CSMD3: variants seen among roughly 807,000 people sequenced by gnomAD.
CSMD3 encodes CUB and sushi domain-containing protein 3.
In CSMD3, 177 loss-of-function variants were observed where a neutral mutation model predicts 435.2. The ratio of observed to expected loss-of-function variants is 0.41; its 90% CI spans 0.36 to 0.46. CSMD3 has a LOEUF of 0.46. CSMD3 is among the 20% of genes least tolerant of loss of function. The pLI is 0.34. For missense variants in CSMD3, 4,265 were observed against 4,504.6 expected, an observed-to-expected ratio of 0.95 and a Z score of 1.52; for synonymous variants, 1,656 against 1,520.5, an observed-to-expected ratio of 1.09 and a Z score of -2.07.
chr8:113,020,293 A>C (rs1174638267), intron 5 of CSMD3, among the ~76,000 whole-genome samples: 1 of 152,068 alleles, frequency 6.6e-6, no homozygotes, highest in Non-Finnish European at 1.5e-5. Context: ...TAGTCTTCAC[A>C]TATTTGGTTG....
At chr8:113,007,311 G>T (rs1466209993) in intron 6 of CSMD3, among the ~76,000 whole-genome samples, 1 of 151,912 alleles carries the variant, frequency 6.6e-6, no homozygotes, top group African/African-American at 2.4e-5. Flanking sequence ...GCTTCAGAAT[G>T]TGACCATACT....
chr8:113,326,874 T>C (rs189155149), intron 1 of CSMD3, among the ~76,000 whole-genome samples: 5 of 152,144 alleles, frequency 3.3e-5, no homozygotes, highest in Admixed American at 3.3e-4. Context: ...TTTAGTCTTA[T>C]ATATTATAGG....
intron 2 of CSMD3, among the ~76,000 whole-genome samples, chr8:113,293,649 C>T (rs2093700725): frequency 6.6e-6 from 1 of 152,098 alleles, no homozygotes; most frequent in African/African-American, 2.4e-5. Context: ...TCTTTCTTTG[C>T]TAAATAACTC....
chr8:113,104,707 A>G (rs1226808148), intron 4 of CSMD3, among the ~76,000 whole-genome samples: 1 of 152,132 alleles, frequency 6.6e-6, no homozygotes, highest in Non-Finnish European at 1.5e-5. Context: ...AAAGATTCTC[A>G]TATTTTTATT....
intron 9 of CSMD3, among the ~76,000 whole-genome samples, chr8:112,923,828 G>C (rs2082822515): frequency 6.6e-6 from 1 of 152,174 alleles, no homozygotes; most frequent in Non-Finnish European, 1.5e-5. Context: ...TTTATTGGTT[G>C]CTATCATATA....
intron 10 of CSMD3, among the ~76,000 whole-genome samples, chr8:112,866,790 G>A (rs1564041718): frequency 6.6e-6 from 1 of 152,144 alleles, no homozygotes; most frequent in Non-Finnish European, 1.5e-5. Context: ...TGCTGCACAT[G>A]ATGTGATAGA....
intron 13 of CSMD3, among the ~76,000 whole-genome samples, chr8:112,770,979 A>G (rs1414994104): frequency 6.6e-6 from 1 of 152,046 alleles, no homozygotes; most frequent in Non-Finnish European, 1.5e-5. Context: ...ATGTCTGGAA[A>G]AAAATGGTGG....
intron 10 of CSMD3, among the ~76,000 whole-genome samples, chr8:112,918,280 T>C (rs1199409982): frequency 1.3e-5 from 2 of 152,008 alleles, no homozygotes; most frequent in South Asian, 2.1e-4. Context: ...GGTGATGTCA[T>C]GATTTTTATG....
intron 5 of CSMD3, among the ~76,000 whole-genome samples, chr8:113,052,035 T>A (rs2088117036): frequency 6.6e-6 from 1 of 152,234 alleles, no homozygotes; most frequent in African/African-American, 2.4e-5. Flanking sequence ...ATTTTGACTT[T>A]GAAAATATTT....
At chr8:113,423,145 C>G (rs1188582170) in intron 1 of CSMD3, among the ~76,000 whole-genome samples, 3 of 151,940 alleles carry the variant, frequency 2.0e-5, no homozygotes, top group African/African-American at 7.2e-5. Flanking sequence ...GACTGTAATT[C>G]ATCACATAAG....
chr8:113,246,398 C>G (rs2093276604), intron 3 of CSMD3, among the ~76,000 whole-genome samples: 1 of 151,948 alleles, frequency 6.6e-6, no homozygotes, highest in Admixed American at 6.6e-5. Context: ...TACTTTTCAA[C>G]TCTAGAATTT....
chr8:112,332,855 T>C (rs374960254), intron 45 of CSMD3, among the ~76,000 whole-genome samples: 1 of 152,272 alleles, frequency 6.6e-6, no homozygotes, highest in East Asian at 1.9e-4. Flanking sequence ...CTGTATATTA[T>C]CAATTATCTC....
At chr8:112,469,868 A>T (rs1247902496) in intron 32 of CSMD3, among the ~76,000 whole-genome samples, 4 of 152,218 alleles carry the variant, frequency 2.6e-5, no homozygotes, top group Non-Finnish European at 1.5e-5. Flanking sequence ...GAATGATCAT[A>T]ATTTGGGATA....
At position 112,928,403 on chromosome 8, in the gene CSMD3, C is replaced by T. The variant is rs76505473; in HGVS notation, c.1509-6652G>A. Among the ~76,000 whole-genome samples the T allele has an allele frequency of 3.4e-3, 516 of 152,270 alleles. 15 individuals carry two copies. In the East Asian group the frequency reaches 0.06, roughly 18 times the overall value. ...CCTTTTCGTTAACCTCCAAAATTAA[C>T]TGTGGTGAACTCCTCAGAATCCTCA... On this transcript the variant is annotated intron_variant, in intron 9 of 70. Coordinates refer to ENST00000297405, the MANE Select transcript of CSMD3 (RefSeq NM_198123.2).
At chr8:112,829,091 A>G (rs2079786435) in intron 12 of CSMD3, among the ~76,000 whole-genome samples, 1 of 152,224 alleles carries the variant, frequency 6.6e-6, no homozygotes, top group Non-Finnish European at 1.5e-5. Context: ...TAGTCAATTT[A>G]CATACAATAA....
intron 13 of CSMD3, among the ~76,000 whole-genome samples, chr8:112,703,853 G>GAT (rs1432954960): frequency 6.6e-6 from 1 of 152,052 alleles, no homozygotes; most frequent in Non-Finnish European, 1.5e-5. Context: ...AGGTTTTGAG[G>GAT]AGGAAATCTA....
intron 4 of CSMD3, among the ~76,000 whole-genome samples, chr8:113,135,416 A>T (rs1355314041): frequency 6.6e-6 from 1 of 151,830 alleles, no homozygotes; most frequent in Non-Finnish European, 1.5e-5. Flanking sequence ...TTTCTTGATT[A>T]TTCATATAAA....
intron 6 of CSMD3, among the ~76,000 whole-genome samples, chr8:112,976,873 A>G (rs150273802): frequency 2.0e-5 from 3 of 152,074 alleles, no homozygotes; most frequent in African/African-American, 4.8e-5. Context: ...CTATTATTAT[A>G]CAGCACGTAA....
At chr8:113,242,768 C>G (rs1369703300) in intron 3 of CSMD3, among the ~76,000 whole-genome samples, 10 of 151,786 alleles carry the variant, frequency 6.6e-5, no homozygotes, top group Non-Finnish European at 1.5e-4. Flanking sequence ...TCCTACTGTG[C>G]TTGAAGTATA....
Sources: allele counts gnomAD v4.1 joint callset (sites outside exome capture counted in the v4.1 genomes callset), GRCh38; gene constraint gnomAD v4.1.1; transcripts MANE v1.5; gene names NCBI Gene and HGNC (gene_info 2026-07-23, HGNC 2026-07-21).